The following KCTD16 variants were observed in gnomAD, a reference collection of about 807,000 sequenced individuals.
The protein encoded by KCTD16 is BTB/POZ domain-containing protein KCTD16.
Under a neutral mutation model 33.2 loss-of-function variants are expected in KCTD16, and 13 were observed. That is an observed-to-expected ratio of 0.39 (90% confidence interval 0.25 to 0.62). KCTD16 has a LOEUF of 0.62. Ranked by LOEUF, KCTD16 falls within the 20% of genes least tolerant of loss-of-function variation. The pLI is 0.50. For synonymous variants in KCTD16, 197 were observed against 195.3 expected, an observed-to-expected ratio of 1.01 and a Z score of -0.07; for missense variants, 441 against 525.1, an observed-to-expected ratio of 0.84 and a Z score of 1.57.
intron 3 of KCTD16, among the ~76,000 whole-genome samples, chr5:144,209,890 ATGTG>A (rs912835510): frequency 1.2e-4 from 17 of 144,346 alleles, no homozygotes; most frequent in African/African-American, 4.2e-4. Context: ...ATGTATATAT[ATGTG>A]TGTGTATATA....
At chr5:144,427,164 T>C (rs1261908882) in intron 3 of KCTD16, among the ~76,000 whole-genome samples, 1 of 151,878 alleles carries the variant, frequency 6.6e-6, no homozygotes, top group Non-Finnish European at 1.5e-5. Context: ...CAAATAATAT[T>C]ACCCAGACAC....
intron 3 of KCTD16, among the ~76,000 whole-genome samples, chr5:144,472,111 A>G (rs1754490123): frequency 6.6e-6 from 1 of 152,222 alleles, no homozygotes; most frequent in Non-Finnish European, 1.5e-5. Context: ...AATGTGACCT[A>G]TTATTCATGA....
chr5:144,344,106 G>A (rs1752719158), intron 3 of KCTD16, among the ~76,000 whole-genome samples: 2 of 152,102 alleles, frequency 1.3e-5, no homozygotes, highest in African/African-American at 2.4e-5. Flanking sequence ...CAAGCAATGG[G>A]GAGAGGATTC....
chr5:144,471,209 AC>A (rs1405296241), intron 3 of KCTD16, among the ~76,000 whole-genome samples: 1 of 151,958 alleles, frequency 6.6e-6, no homozygotes, highest in Non-Finnish European at 1.5e-5. Flanking sequence ...ACAACAAAAA[AC>A]CCCAAACAAA....
intron 3 of KCTD16, among the ~76,000 whole-genome samples, chr5:144,447,133 A>T (rs1474380974): frequency 1.3e-5 from 2 of 152,190 alleles, no homozygotes; most frequent in Admixed American, 6.5e-5. Flanking sequence ...CACTGTTCAC[A>T]ATAGCAAAGA....
intron 3 of KCTD16, among the ~76,000 whole-genome samples, chr5:144,283,126 C>A (rs1019965314): frequency 1.3e-5 from 2 of 151,898 alleles, no homozygotes; most frequent in Non-Finnish European, 2.9e-5. Context: ...GTATACATGT[C>A]CCATGTTGGT....
In KCTD16 at chr5:144,234,669, C is replaced by G. The variant is rs141349042; in HGVS notation, c.832+27123C>G. On this transcript the variant is annotated intron_variant, in intron 3 of 3. Transcript: ENST00000512467. ...CTTGCAAAAAATGGGAATAAATTTT[C>G]CCACCCCATCTGGTGGTTGTAAGCC... Among the ~76,000 whole-genome samples the G allele has an allele frequency of 8.5e-5, 13 of 152,114 alleles. No individual in the cohort carries two copies. In the East Asian group the frequency reaches 2.5e-3, roughly 29 times the overall value.
intron 3 of KCTD16, among the ~76,000 whole-genome samples, chr5:144,272,522 G>T (rs1056745796): frequency 6.6e-6 from 1 of 152,016 alleles, no homozygotes; most frequent in Admixed American, 6.6e-5. Flanking sequence ...AAACAACCTT[G>T]AAAAAGAATG....
intron 3 of KCTD16, among the ~76,000 whole-genome samples, chr5:144,393,910 AT>A (rs1271501745): frequency 8.6e-6 from 1 of 116,948 alleles, no homozygotes; most frequent in Non-Finnish European, 1.9e-5. Flanking sequence ...GAATTTTATT[AT>A]TTTTTTCATG....
Position 144,474,029 on chromosome 5 carries a change from A to G in KCTD16, c.1202A>G (p.Asp401Gly). ...GAGGAGCTGGAGAAATGTATCCAGG[A>G]TTTCCTAAAAATCAAAATTCCAGAT... ...IEEELEKCIQ[D>G]FLKIKIPDRF... The change falls in exon 4 of 4, where the codon GAT becomes GGT. Residue 401 changes from aspartate (D) to glycine (G), a missense_variant. By Grantham distance (94) the Asp-to-Gly change is moderately conservative (BLOSUM62 -1). Around this residue, in one of 3 missense-constraint regions of KCTD16, gnomAD observed 355 missense variants for 413.0 expected, o/e 0.86. Transcript: ENST00000512467. The G allele has an allele frequency of 6.2e-7, 1 of 1,613,934 alleles. No homozygotes were observed. The highest frequency in any genetic ancestry group is 1.6e-4 in the Middle Eastern group (1 of 6,062).
At position 144,171,013 on chromosome 5, in the gene KCTD16, T is replaced by A. The variant is rs1199152580; in HGVS notation, c.-493+4T>A. ...CAAGCACTGTGCTAAAGTGTTTGTA[T>A]GTATTATTTAATCTTTACAACCTAA... On this transcript the variant is annotated splice_donor_region_variant and intron_variant, in intron 1 of 3. Transcript: ENST00000512467. 3.3e-5 allele frequency: 5 copies of A among 152,240 alleles called. No homozygotes were observed. The highest frequency in any genetic ancestry group is 7.3e-5 in the Non-Finnish European group (5 of 68,046). The allele number at this position is 152,240 out of a possible 1,614,324, so 9.4% of individuals were successfully genotyped here.
At chr5:144,440,529 TGTGA>T (rs1255462984) in intron 3 of KCTD16, among the ~76,000 whole-genome samples, 4 of 152,114 alleles carry the variant, frequency 2.6e-5, no homozygotes, top group Non-Finnish European at 5.9e-5. Flanking sequence ...TTCTAGTAGG[TGTGA>T]AGTAATATTT....
At chr5:144,194,645 T>A (rs375690757) in intron 2 of KCTD16, among the ~76,000 whole-genome samples, 1 of 152,242 alleles carries the variant, frequency 6.6e-6, no homozygotes, top group Non-Finnish European at 1.5e-5. Context: ...TTAACATGCA[T>A]TATTTATTTA....
chr5:144,396,751 G>T (rs1467547328), intron 3 of KCTD16, among the ~76,000 whole-genome samples: 1 of 151,602 alleles, frequency 6.6e-6, no homozygotes, highest in Admixed American at 6.6e-5. Context: ...CCTAAAACAG[G>T]CTCAAAATAA....
chr5:144,226,142 G>C (rs1428091006), intron 3 of KCTD16, among the ~76,000 whole-genome samples: 1 of 152,156 alleles, frequency 6.6e-6, no homozygotes, highest in East Asian at 1.9e-4. Flanking sequence ...TTGAGTGCAA[G>C]TCACCCAGCA....
chr5:144,241,205 A>C (rs1332079158), intron 3 of KCTD16, among the ~76,000 whole-genome samples: 2 of 152,140 alleles, frequency 1.3e-5, no homozygotes, highest in African/African-American at 4.8e-5. Context: ...TGACACTGGA[A>C]AGAAGGGCAC....
intron 2 of KCTD16, among the ~76,000 whole-genome samples, chr5:144,180,580 T>C (rs941919186): frequency 2.0e-5 from 3 of 152,220 alleles, no homozygotes; most frequent in Non-Finnish European, 2.9e-5. Context: ...TGGGGGTAGC[T>C]CATCTCTGTT....
chr5:144,230,202 A>G (rs1754060995), intron 3 of KCTD16, among the ~76,000 whole-genome samples: 1 of 152,208 alleles, frequency 6.6e-6, no homozygotes, highest in African/African-American at 2.4e-5. Context: ...CAGGGCTACA[A>G]GGATGAAATG....
intron 3 of KCTD16, among the ~76,000 whole-genome samples, chr5:144,250,485 T>C (rs1033928391): frequency 6.6e-6 from 1 of 152,218 alleles, no homozygotes; most frequent in African/African-American, 2.4e-5. Flanking sequence ...TTTTACTTGC[T>C]ACACTTCCAG....
Sources: allele counts gnomAD v4.1 joint callset (sites outside exome capture counted in the v4.1 genomes callset), GRCh38; gene constraint gnomAD v4.1.1; regional missense constraint gnomAD v4.1.1; transcripts MANE v1.5; gene names NCBI Gene and HGNC (gene_info 2026-07-23, HGNC 2026-07-21).